GRIA1: variants seen among roughly 807,000 people sequenced by gnomAD.
The protein encoded by GRIA1 is glutamate receptor 1.
In GRIA1, 31 loss-of-function variants were observed where a neutral mutation model predicts 99.2. The ratio of observed to expected loss-of-function variants is 0.31; its 90% CI spans 0.23 to 0.42. The LOEUF (loss-of-function observed/expected upper bound fraction) is 0.42, where lower values mean the gene tolerates loss of function less well. GRIA1 is among the 10% of genes least tolerant of loss of function. GRIA1 has a pLI of 1.00. For missense variants in GRIA1, 782 were observed against 1,157.5 expected, an observed-to-expected ratio of 0.68 and a Z score of 4.71; for synonymous variants, 438 against 432.4, an observed-to-expected ratio of 1.01 and a Z score of -0.16.
intron 2 of GRIA1, among the ~76,000 whole-genome samples, chr5:153,518,671 G>A (rs1458278718): frequency 6.6e-6 from 1 of 152,198 alleles, no homozygotes; most frequent in Non-Finnish European, 1.5e-5. Context: ...GAGCCATTAT[G>A]TGCTCAGCAC....
At position 153,668,628 on chromosome 5, in the gene GRIA1, T is replaced by C. The variant is rs111719289; in HGVS notation, c.700-5872T>C. Among the ~76,000 whole-genome samples, 1,009 of 152,306 alleles carry C rather than the reference T, an allele frequency of 6.6e-3. 11 individuals carry two copies. The highest frequency in any genetic ancestry group is 0.034 in the Middle Eastern group (10 of 294). Reference sequence around the variant, plus strand: ...TATATGGTTTGCAAAGCCTAAAATATTTATAATCTGGCCCTTTACATAAAA... The same window carrying C: ...TATATGGTTTGCAAAGCCTAAAATACTTATAATCTGGCCCTTTACATAAAA... On this transcript the variant is annotated intron_variant, in intron 5 of 15. Coordinates refer to ENST00000285900, the MANE Select transcript of GRIA1 (RefSeq NM_000827.4).
intron 2 of GRIA1, among the ~76,000 whole-genome samples, chr5:153,533,508 C>T (rs908140697): frequency 6.6e-6 from 1 of 152,070 alleles, no homozygotes; most frequent in African/African-American, 2.4e-5. Context: ...CATTTTTATG[C>T]CAAAAGTCCA....
chr5:153,769,848 A>G (rs1341163507), intron 12 of GRIA1, among the ~76,000 whole-genome samples: 1 of 152,160 alleles, frequency 6.6e-6, no homozygotes, highest in East Asian at 1.9e-4. Flanking sequence ...TGAACAATAG[A>G]TAGGTCCTTT....
At chr5:153,804,094 C>A (rs773722222) in intron 15 of GRIA1, among the ~76,000 whole-genome samples, 1 of 152,126 alleles carries the variant, frequency 6.6e-6, no homozygotes, top group Non-Finnish European at 1.5e-5. Context: ...CGATCCCTCA[C>A]CCTGTCTTCT....
At chr5:153,745,675 G>A (rs1486940253) in intron 11 of GRIA1, among the ~76,000 whole-genome samples, 1 of 150,980 alleles carries the variant, frequency 6.6e-6, no homozygotes, top group East Asian at 1.9e-4. Context: ...AAGTAAAAAG[G>A]TAAGGAAAAA....
intron 2 of GRIA1, among the ~76,000 whole-genome samples, chr5:153,527,789 T>C (rs1212659499): frequency 6.6e-6 from 1 of 152,232 alleles, no homozygotes; most frequent in African/African-American, 2.4e-5. Context: ...AATGTAGAGA[T>C]GTCTTTTTGT....
intron 5 of GRIA1, among the ~76,000 whole-genome samples, chr5:153,659,411 T>A (rs1459909349): frequency 1.3e-5 from 2 of 152,084 alleles, no homozygotes; most frequent in African/African-American, 2.4e-5. Flanking sequence ...TGTGCCTGGG[T>A]CCTGGAACAC....
intron 13 of GRIA1, among the ~76,000 whole-genome samples, chr5:153,788,768 A>G (rs892743205): frequency 6.6e-6 from 1 of 152,334 alleles, no homozygotes; most frequent in African/African-American, 2.4e-5. Flanking sequence ...GTGCTAGCAC[A>G]TAGTAGCTGT....
At chr5:153,804,441 G>A (rs1427160095) in intron 15 of GRIA1, among the ~76,000 whole-genome samples, 1 of 151,980 alleles carries the variant, frequency 6.6e-6, no homozygotes, top group East Asian at 1.9e-4. Flanking sequence ...GGTTACTCCG[G>A]TGGCAAAAAA....
intron 2 of GRIA1, among the ~76,000 whole-genome samples, chr5:153,603,072 G>A (rs1011132517): frequency 6.7e-6 from 1 of 150,192 alleles, no homozygotes; most frequent in East Asian, 2.0e-4. Flanking sequence ...TCCCTCCCCT[G>A]TCCCCCCACC....
At chr5:153,526,147 G>T (rs1219842179) in intron 2 of GRIA1, among the ~76,000 whole-genome samples, 1 of 152,074 alleles carries the variant, frequency 6.6e-6, no homozygotes, top group Admixed American at 6.6e-5. Flanking sequence ...AATAATTTCT[G>T]CCCTGATTAC....
intron 2 of GRIA1, among the ~76,000 whole-genome samples, chr5:153,571,288 C>T (rs1396791879): frequency 1.3e-5 from 2 of 152,084 alleles, no homozygotes; most frequent in Non-Finnish European, 2.9e-5. Flanking sequence ...ATGATGGGGA[C>T]ATGTAGGCTC....
At position 153,642,637 on chromosome 5, in the gene GRIA1, G is replaced by GAA. The variant is rs56261295; in HGVS notation, c.221-4278_221-4277dup. On this transcript the variant is annotated intron_variant, in intron 2 of 15. Transcript: ENST00000285900. ...GGTGACGGAGCCAGACCCTGTTTCA[G>GAA]AAAAAAAAAAAAAACAAAGAAGAAG... Among the ~76,000 whole-genome samples, 64 of 132,248 alleles carry GAA rather than the reference G, an allele frequency of 4.8e-4. 1 individual carries two copies. Among genetic ancestry groups the GAA allele is most frequent in the Non-Finnish European group, 1.7e-4 (11 of 62,950 alleles). The allele number at this position is 132,248 out of a possible 152,430, so 86.8% of individuals were successfully genotyped here.
intron 3 of GRIA1, among the ~76,000 whole-genome samples, chr5:153,647,779 A>G (rs1464125824): frequency 6.6e-6 from 1 of 152,178 alleles, no homozygotes; most frequent in Non-Finnish European, 1.5e-5. Context: ...CTTTGAATTT[A>G]ACATCACATT....
intron 14 of GRIA1, among the ~76,000 whole-genome samples, chr5:153,798,923 G>T (rs1339626093): frequency 1.3e-5 from 2 of 152,056 alleles, no homozygotes; most frequent in East Asian, 1.9e-4. Flanking sequence ...ACAGATGAGT[G>T]GGGGGGTTTC....
intron 8 of GRIA1, among the ~76,000 whole-genome samples, chr5:153,690,838 T>G (rs1390050585): frequency 6.6e-6 from 1 of 152,206 alleles, no homozygotes; most frequent in Non-Finnish European, 1.5e-5. Flanking sequence ...GGATCTGCCT[T>G]TCAGAAAATC....
At position 153,782,520 on chromosome 5, in the gene GRIA1, C is replaced by A. The variant is rs566888233; in HGVS notation, c.2271-12101C>A. On this transcript the variant is annotated intron_variant, in intron 13 of 15. Transcript: ENST00000285900. ...CTCAATTTTTATATAAACTATACAACTTTTTTAGTAGTGATCACATTTAAG... is the reference window on the plus strand; with the variant it reads ...CTCAATTTTTATATAAACTATACAAATTTTTTAGTAGTGATCACATTTAAG... Among the ~76,000 whole-genome samples, 22 of 152,176 alleles carry A rather than the reference C, an allele frequency of 1.4e-4. No individual in the cohort carries two copies. The East Asian group carries it at 4.2e-3, about 29-fold the overall frequency.
chr5:153,811,083 C>T lies in GRIA1; in HGVS notation c.2579C>T (p.Pro860Leu), dbSNP rs1185736912. The T allele has an allele frequency of 1.2e-6, 2 of 1,614,018 alleles. No individual in the cohort carries two copies. Among genetic ancestry groups the T allele is most frequent in the African/African-American group, 1.3e-5 (1 of 74,944 alleles). The stretch of plus-strand genomic sequence containing the variant: ...GAAGCCATACGGACATCGACCCTCC[C>T]CCGCAACAGCGGGGCAGGAGCCAGC... The part of the protein sequence containing the change: ...INEAIRTSTL[P>L]RNSGAGASSG... Residue 860 changes from proline to leucine, a missense_variant, in exon 16 of 16, where the codon CCC (proline) becomes CTC (leucine). By Grantham distance (98) the Pro-to-Leu change is moderately conservative. Around this residue, in one of 5 missense-constraint regions of GRIA1, gnomAD observed 76 missense variants for 81.2 expected, o/e 0.94. Transcript: ENST00000285900.
At chr5:153,655,390 A>G (rs1561734515) in intron 4 of GRIA1, among the ~76,000 whole-genome samples, 1 of 152,192 alleles carries the variant, frequency 6.6e-6, no homozygotes, top group East Asian at 1.9e-4. Context: ...TGTTTTTCCA[A>G]TCAGCGAATA....
Sources: allele counts gnomAD v4.1 joint callset (sites outside exome capture counted in the v4.1 genomes callset), GRCh38; gene constraint gnomAD v4.1.1; regional missense constraint gnomAD v4.1.1; transcripts MANE v1.5; gene names NCBI Gene and HGNC (gene_info 2026-07-23, HGNC 2026-07-21).